SEL1L: variants seen among roughly 807,000 people sequenced by gnomAD.
The protein encoded by SEL1L is SEL1L adaptor subunit of SYVN1 ubiquitin ligase, also known as protein sel-1 homolog 1.
SEL1L carries 52 observed loss-of-function variants against 109.8 expected under a neutral mutation model. The observed-to-expected ratio is 0.47, with a 90% CI of 0.38 to 0.60. The LOEUF is 0.60. SEL1L is among the 20% of genes least tolerant of loss of function. The pLI is 0.00. For missense variants in SEL1L, 749 were observed against 962.2 expected, an observed-to-expected ratio of 0.78 and a Z score of 2.93; for synonymous variants, 373 against 339.6, an observed-to-expected ratio of 1.10 and a Z score of -1.08.
At chr14:81,500,815 C>T (rs1393457832) in intron 6 of SEL1L, among the ~76,000 whole-genome samples, 1 of 152,050 alleles carries the variant, frequency 6.6e-6, no homozygotes. Flanking sequence ...GGCTGCTCTA[C>T]AATGTTAGAG....
chr14:81,474,619 T>C lies in SEL1L; in HGVS notation c.*2353A>G, dbSNP rs1443884936. ...GGAGAAAAACCAAACCCAACTCCTATTTGCTTAGGTACCATGTCCCATGAA... is the reference window on the plus strand; with the variant it reads ...GGAGAAAAACCAAACCCAACTCCTACTTGCTTAGGTACCATGTCCCATGAA... On this transcript the variant is annotated 3_prime_UTR_variant, in exon 21 of 21. Coordinates refer to ENST00000336735, the MANE Select transcript of SEL1L (RefSeq NM_005065.6). The C allele has an allele frequency of 6.6e-6, 1 of 152,210 alleles. No homozygotes were observed. The highest frequency in any genetic ancestry group is 1.9e-4 in the East Asian group (1 of 5,196). The allele number at this position is 152,210 out of a possible 1,614,324, so 9.4% of individuals were successfully genotyped here.
intron 3 of SEL1L, among the ~76,000 whole-genome samples, chr14:81,513,776 G>A (rs1248617644): frequency 6.6e-6 from 1 of 152,108 alleles, no homozygotes; most frequent in East Asian, 1.9e-4. Context: ...CTTCGGAATT[G>A]GGAGCGTTGG....
At chr14:81,527,966 T>A (rs1489188170) in intron 1 of SEL1L, among the ~76,000 whole-genome samples, 2 of 152,116 alleles carry the variant, frequency 1.3e-5, no homozygotes, top group African/African-American at 4.8e-5. Flanking sequence ...GAAAAGACAT[T>A]AGCTCCATCT....
intron 3 of SEL1L, among the ~76,000 whole-genome samples, chr14:81,509,314 A>G (rs1884368750): frequency 6.6e-6 from 1 of 152,222 alleles, no homozygotes. Flanking sequence ...TCAATTTTAA[A>G]AACAAGGTAA....
chr14:81,532,230 T>C (rs1040866656), intron 1 of SEL1L, among the ~76,000 whole-genome samples: 3 of 152,254 alleles, frequency 2.0e-5, no homozygotes, highest in Admixed American at 6.5e-5. Context: ...CACACCGTGC[T>C]CTTTCATTAC....
chr14:81,485,375 A>C (rs948366580), intron 18 of SEL1L, among the ~76,000 whole-genome samples: 1 of 152,100 alleles, frequency 6.6e-6, no homozygotes, highest in African/African-American at 2.4e-5. Flanking sequence ...TCCCAGGTTC[A>C]AGCGATTCTC....
intron 3 of SEL1L, among the ~76,000 whole-genome samples, chr14:81,522,890 C>G (rs776252057): frequency 3.3e-5 from 5 of 152,078 alleles, no homozygotes; most frequent in Non-Finnish European, 7.4e-5. Context: ...ATGACAAGAA[C>G]AAAAAGTGTG....
Position 81,484,637 on chromosome 14 carries a change from T to C in SEL1L, c.1874-240A>G, listed in dbSNP as rs188470074. 4.1e-3 allele frequency: 1,558 copies of C among 375,728 alleles called. 48 individuals are homozygous for C. In the Admixed American group the frequency reaches 0.053, roughly 13 times the overall value. 23.3% of individuals were successfully genotyped at this position (375,728 alleles called of 1,614,324 possible). On this transcript the variant is annotated intron_variant, in intron 18 of 20. Coordinates refer to ENST00000336735, the MANE Select transcript of SEL1L (RefSeq NM_005065.6). ...AGAGGTAAAACCAAGTTGGTGTGTGTGTAGGGGGACAGGTTTAATATCCCT... is the reference window on the plus strand; with the variant it reads ...AGAGGTAAAACCAAGTTGGTGTGTGCGTAGGGGGACAGGTTTAATATCCCT...
intron 6 of SEL1L, among the ~76,000 whole-genome samples, chr14:81,500,028 C>T (rs1326049770): frequency 6.6e-6 from 1 of 151,506 alleles, no homozygotes; most frequent in Non-Finnish European, 1.5e-5. Context: ...ACCTCAGCCT[C>T]CCAAGTAGCT....
At chr14:81,517,745 G>A (rs983950038) in intron 3 of SEL1L, among the ~76,000 whole-genome samples, 2 of 152,162 alleles carry the variant, frequency 1.3e-5, no homozygotes, top group African/African-American at 4.8e-5. Context: ...CTGTAATTTT[G>A]TAAATACCAG....
chr14:81,492,694 T>G, intron 11 of SEL1L, 146 bp from the exon 12 acceptor site: 1 of 576,166 alleles, frequency 1.7e-6, no homozygotes, highest in Non-Finnish European at 3.1e-6. Flanking sequence ...GCCAATATTT[T>G]GAAAGAGAAA....
intron 3 of SEL1L, among the ~76,000 whole-genome samples, chr14:81,517,909 T>G (rs1268812761): frequency 6.6e-6 from 1 of 151,856 alleles, no homozygotes; most frequent in Non-Finnish European, 1.5e-5. Context: ...AGGGTTACCA[T>G]GTGTACCCTC....
At chr14:81,496,510 G>A (rs1252973662) in intron 10 of SEL1L, among the ~76,000 whole-genome samples, 1 of 152,146 alleles carries the variant, frequency 6.6e-6, no homozygotes, top group African/African-American at 2.4e-5. Flanking sequence ...AGGCTGAGGT[G>A]GGTGGGATCA....
At chr14:81,496,255 C>T (rs886191499) in intron 10 of SEL1L, among the ~76,000 whole-genome samples, 2 of 151,720 alleles carry the variant, frequency 1.3e-5, no homozygotes, top group African/African-American at 2.4e-5. Context: ...ACCTGGGAGG[C>T]GGGGCTTGCA....
chr14:81,474,229 T>A lies in SEL1L; in HGVS notation c.*2743A>T. The A allele has an allele frequency of 6.9e-6, 1 of 144,342 alleles. No individual in the cohort carries two copies. The highest frequency in any genetic ancestry group is 2.6e-5 in the African/African-American group (1 of 38,624). 8.9% of individuals were successfully genotyped at this position (144,342 alleles called of 1,614,324 possible). ...TACCTAGAAAACAGAAACTGAAACTTCAAACACAGAGACAGAAAAAAAAAA... is the reference window on the plus strand; with the variant it reads ...TACCTAGAAAACAGAAACTGAAACTACAAACACAGAGACAGAAAAAAAAAA... On this transcript the variant is annotated 3_prime_UTR_variant, in exon 21 of 21. Coordinates refer to ENST00000336735, the MANE Select transcript of SEL1L (RefSeq NM_005065.6).
At chr14:81,485,320 G>A (rs977590934) in intron 18 of SEL1L, among the ~76,000 whole-genome samples, 1 of 152,188 alleles carries the variant, frequency 6.6e-6, no homozygotes, top group Non-Finnish European at 1.5e-5. Context: ...CTGTCGCCCA[G>A]GCTGGAGTGC....
chr14:81,521,028 T>C (rs1595533815), intron 3 of SEL1L, among the ~76,000 whole-genome samples: 1 of 152,202 alleles, frequency 6.6e-6, no homozygotes, highest in Non-Finnish European at 1.5e-5. Flanking sequence ...TCACGTCTTA[T>C]GATAATTTTA....
chr14:81,502,239 G>A (rs1219034943), intron 6 of SEL1L, among the ~76,000 whole-genome samples: 1 of 152,064 alleles, frequency 6.6e-6, no homozygotes, highest in East Asian at 1.9e-4. Context: ...AGATATGCAT[G>A]CACACTAATA....
At position 81,487,373 on chromosome 14, in the gene SEL1L, G is replaced by A; in HGVS notation, c.1632+17C>T. 2 of 1,555,670 alleles carry A rather than the reference G, an allele frequency of 1.3e-6. No homozygotes were observed. The highest frequency in any genetic ancestry group is 1.7e-4 in the Middle Eastern group (1 of 5,778). On this transcript the variant is annotated intron_variant, in intron 16 of 20. Coordinates refer to ENST00000336735, the MANE Select transcript of SEL1L (RefSeq NM_005065.6). ...CAAATCAACTCCCTACACACAAGCTGGTAGGAAAGACCTTACCTCCACTGC... is the reference window on the plus strand; with the variant it reads ...CAAATCAACTCCCTACACACAAGCTAGTAGGAAAGACCTTACCTCCACTGC...
Sources: gnomAD v4.1 joint callset for allele counts (sites outside exome capture counted in the v4.1 genomes callset) on GRCh38, gnomAD v4.1.1 for gene constraint, MANE v1.5 for transcripts, NCBI Gene and HGNC (gene_info 2026-07-23, HGNC 2026-07-21) for gene names.